LRRC37A2: variants seen among roughly 807,000 people sequenced by gnomAD.
LRRC37A2 encodes leucine-rich repeat-containing protein 37A2.
A neutral mutation model predicts 68.8 loss-of-function variants in LRRC37A2; 9 were observed. That is an observed-to-expected ratio of 0.13 (90% confidence interval 0.08 to 0.23). The LOEUF (loss-of-function observed/expected upper bound fraction) is 0.23, where lower values mean the gene tolerates loss of function less well. Among genes scored for constraint, LRRC37A2 ranks in the 10% least tolerant of loss-of-function variants. The pLI is 1.00. For missense variants in LRRC37A2, 168 were observed against 950.4 expected (o/e 0.18, Z 10.82); for synonymous variants, 63 against 367.6 (o/e 0.17, Z 9.48).
the LRRC37A2 span, among the ~76,000 whole-genome samples, chr17:46,793,525 A>AGGCT: frequency 2.0e-5 from 3 of 152,132 alleles, no homozygotes; most frequent in Admixed American, 2.0e-4. Context: ...GTCTCAGACA[A>AGGCT]GGCTGGACCC....
the LRRC37A2 span, chr17:46,722,215 A>C: frequency 3.4e-6 from 5 of 1,480,986 alleles, no homozygotes; most frequent in Non-Finnish European, 4.7e-6. Context: ...AAGAGACCCA[A>C]ATCTCGCGAG....
At chr17:46,874,611 T>C in the LRRC37A2 span, among the ~76,000 whole-genome samples, 1 of 152,202 alleles carries the variant, frequency 6.6e-6, no homozygotes, top group African/African-American at 2.4e-5. Context: ...AAGGTCTCCC[T>C]CTGTCACCCA....
chr17:46,494,035 G>C, the LRRC37A2 span, among the ~76,000 whole-genome samples: 1 of 149,512 alleles, frequency 6.7e-6, no homozygotes, highest in Non-Finnish European at 1.5e-5. Context: ...AATAGAGATG[G>C]GGTTTCGCTA....
the LRRC37A2 span, chr17:46,768,186 T>C: frequency 2.2e-6 from 3 of 1,369,458 alleles, no homozygotes; most frequent in Admixed American, 4.1e-5. This position sits in a 1 kb window ranked among gnomAD's most constrained non-coding sequence, Gnocchi z 5.0. Context: ...CTATTTTGGC[T>C]GTGGGAACTT....
the LRRC37A2 span, among the ~76,000 whole-genome samples, chr17:46,817,436 G>A: frequency 6.6e-6 from 1 of 152,108 alleles, no homozygotes. Flanking sequence ...AAAGTTTTCC[G>A]GAATGTAGGG....
chr17:46,749,537 GT>G, the LRRC37A2 span, among the ~76,000 whole-genome samples: 1 of 152,108 alleles, frequency 6.6e-6, no homozygotes, highest in African/African-American at 2.4e-5. Flanking sequence ...CTAATCCATT[GT>G]TTTATTGATG....
chr17:46,967,730 C>A, the LRRC37A2 span, among the ~76,000 whole-genome samples: 2 of 151,148 alleles, frequency 1.3e-5, no homozygotes, highest in African/African-American at 4.9e-5. Flanking sequence ...GTTCTGTAGA[C>A]AACAGAGACT....
At chr17:47,020,941 C>G in the LRRC37A2 span, among the ~76,000 whole-genome samples, 1 of 151,742 alleles carries the variant, frequency 6.6e-6, no homozygotes, top group Non-Finnish European at 1.5e-5. Context: ...CATGGGTAAG[C>G]TAAAACTTTA....
At chr17:46,889,695 G>T in the LRRC37A2 span, among the ~76,000 whole-genome samples, 1 of 152,110 alleles carries the variant, frequency 6.6e-6, no homozygotes, top group Non-Finnish European at 1.5e-5. Context: ...CCTTGCCACA[G>T]ACACCAAGCC....
At chr17:46,843,679 C>T in the LRRC37A2 span, among the ~76,000 whole-genome samples, 2 of 152,172 alleles carry the variant, frequency 1.3e-5, no homozygotes, top group African/African-American at 2.4e-5. Context: ...CTTCTCTGTG[C>T]CCATTTCCTC....
the LRRC37A2 span, among the ~76,000 whole-genome samples, chr17:46,699,427 A>ACACACACT: frequency 6.6e-6 from 1 of 151,940 alleles, no homozygotes; most frequent in Non-Finnish European, 1.5e-5. Flanking sequence ...ACACACACAC[A>ACACACACT]CTTTCTCTCA....
chr17:46,779,851 C>T, the LRRC37A2 span, among the ~76,000 whole-genome samples: 119 of 152,210 alleles, frequency 7.8e-4, 1 homozygote, highest in African/African-American at 2.7e-3. Context: ...CTCTGCCTCC[C>T]AAGTTCAAGT....
At chr17:46,995,315 C>G in the LRRC37A2 span, among the ~76,000 whole-genome samples, 2 of 152,168 alleles carry the variant, frequency 1.3e-5, no homozygotes, top group Non-Finnish European at 2.9e-5. Flanking sequence ...ACTGTGAGTT[C>G]CCTGGTTGAC....
the LRRC37A2 span, among the ~76,000 whole-genome samples, chr17:46,819,637 C>T: frequency 2.0e-5 from 3 of 152,188 alleles, no homozygotes; most frequent in Admixed American, 6.5e-5. The surrounding 1 kb of genome is among the most constrained non-coding windows in gnomAD (Gnocchi z 5.3). Flanking sequence ...CCTCACTGCC[C>T]GACCGTCCCG....
the LRRC37A2 span, among the ~76,000 whole-genome samples, chr17:46,915,956 C>G: frequency 3.3e-5 from 5 of 152,218 alleles, no homozygotes; most frequent in African/African-American, 1.2e-4. Flanking sequence ...CACCACCAAC[C>G]CTTGAGGTTG....
chr17:46,872,470 C>A, the LRRC37A2 span: 1 of 1,446,412 alleles, frequency 6.9e-7, no homozygotes. Flanking sequence ...TTGCCCCTCA[C>A]CACCATCCCC....
At chr17:46,888,550 C>G in the LRRC37A2 span, among the ~76,000 whole-genome samples, 1 of 152,230 alleles carries the variant, frequency 6.6e-6, no homozygotes, top group Admixed American at 6.5e-5. Flanking sequence ...TTACACTAAT[C>G]CAATCCTGGG....
At chr17:46,711,804 C>T in the LRRC37A2 span, among the ~76,000 whole-genome samples, 3 of 152,132 alleles carry the variant, frequency 2.0e-5, no homozygotes, top group African/African-American at 7.2e-5. Context: ...CATATTAAGC[C>T]ATGACTTGAC....
chr17:46,532,281 C>A (rs998128256), intron 6 of LRRC37A2, among the ~76,000 whole-genome samples: 1 of 149,604 alleles, frequency 6.7e-6, no homozygotes, highest in Non-Finnish European at 1.5e-5. Context: ...CTATTATTAT[C>A]TGCTTCATGT....
Sources: allele counts gnomAD v4.1 joint callset (sites outside exome capture counted in the v4.1 genomes callset), GRCh38; gene constraint gnomAD v4.1.1; non-coding constraint Gnocchi (gnomAD v3.1); transcripts MANE v1.5; gene names NCBI Gene and HGNC (gene_info 2026-07-23, HGNC 2026-07-21).